The following SEL1L2 variants were observed in gnomAD, a reference collection of about 807,000 sequenced individuals.
The protein encoded by SEL1L2 is protein sel-1 homolog 2.
In SEL1L2, 89 loss-of-function variants were observed where a neutral mutation model predicts 98.8. That is an observed-to-expected ratio of 0.90 (90% CI 0.76 to 1.07). SEL1L2 has a LOEUF of 1.07. Ranked by LOEUF, SEL1L2 falls within the 50% of genes least tolerant of loss-of-function variation. The pLI is 0.00. For missense variants in SEL1L2, 788 were observed against 812.0 expected (o/e 0.97, Z 0.36); for synonymous variants, 262 against 278.5 (o/e 0.94, Z 0.59).
intron 3 of SEL1L2, among the ~76,000 whole-genome samples, chr20:13,928,834 T>A (rs961830201): frequency 6.6e-6 from 1 of 152,204 alleles, no homozygotes; most frequent in Non-Finnish European, 1.5e-5. Flanking sequence ...CACATAAATG[T>A]AAAATGTTAC....
rs143941211 is a variant in SEL1L2 at position 13,959,530 on chromosome 20, G to A, written c.59-3399C>T. On this transcript the variant is annotated intron_variant, in intron 1 of 19. Coordinates refer to ENST00000284951, the MANE Select transcript of SEL1L2 (RefSeq NM_025229.2). ...TCTCCAGGACAAGGCCTGACCGCTC[G>A]TCGTACAACCAAAGCTTCAAAAGTC... 5.3e-5 allele frequency among the ~76,000 whole-genome samples: 8 copies of A among 152,298 alleles called. No homozygotes were observed. In the East Asian group the frequency reaches 1.2e-3, roughly 22 times the overall value.
intron 2 of SEL1L2, among the ~76,000 whole-genome samples, chr20:13,947,813 T>C (rs1360806983): frequency 6.6e-6 from 1 of 152,242 alleles, no homozygotes; most frequent in African/African-American, 2.4e-5. Flanking sequence ...TTGCAGTGCA[T>C]CTGATCCAGC....
chr20:13,939,626 A>G (rs937016505), intron 2 of SEL1L2, among the ~76,000 whole-genome samples: 2 of 151,518 alleles, frequency 1.3e-5, no homozygotes, highest in Admixed American at 6.6e-5. Context: ...TTTGAGCGGC[A>G]ACAGGTCTAA....
At chr20:13,947,887 C>T (rs753558819) in intron 2 of SEL1L2, among the ~76,000 whole-genome samples, 52 of 152,380 alleles carry the variant, frequency 3.4e-4, no homozygotes, top group Non-Finnish European at 5.0e-4. Context: ...GCCACAGCAG[C>T]TGGTGTGCCT....
chr20:13,969,369 T>G (rs1389266385), intron 1 of SEL1L2, among the ~76,000 whole-genome samples: 6 of 152,210 alleles, frequency 3.9e-5, no homozygotes, highest in Admixed American at 3.9e-4. Context: ...ACTCACTCCA[T>G]GCCAACATCC....
At chr20:13,909,268 C>G (rs2048114264) in intron 5 of SEL1L2, among the ~76,000 whole-genome samples, 1 of 152,252 alleles carries the variant, frequency 6.6e-6, no homozygotes, top group Non-Finnish European at 1.5e-5. Flanking sequence ...ACTGGGCCAG[C>G]CTCATTAGAG....
intron 2 of SEL1L2, among the ~76,000 whole-genome samples, chr20:13,945,338 A>G (rs987486705): frequency 2.0e-5 from 3 of 152,098 alleles, no homozygotes; most frequent in African/African-American, 7.2e-5. Flanking sequence ...CATAACTATT[A>G]ATGAAAACAA....
intron 2 of SEL1L2, among the ~76,000 whole-genome samples, chr20:13,945,820 T>C (rs1365057024): frequency 6.6e-6 from 1 of 151,712 alleles, no homozygotes; most frequent in Non-Finnish European, 1.5e-5. Flanking sequence ...ATTAACAAAA[T>C]GAAAGAGGAG....
At position 13,890,394 on chromosome 20, in the gene SEL1L2, G is replaced by GA. The variant is rs796691959; in HGVS notation, c.550-1883dup. ...AGAAAGAGATTATAAACTCCTGGAA[G>GA]AAAAAAAAAAACTGGCAAACCACTC... On this transcript the variant is annotated intron_variant, in intron 5 of 19. Coordinates refer to ENST00000284951, the MANE Select transcript of SEL1L2 (RefSeq NM_025229.2). 3.7e-3 allele frequency among the ~76,000 whole-genome samples: 539 copies of GA among 144,440 alleles called. 1 individual carries two copies. Among genetic ancestry groups the GA allele is most frequent in the African/African-American group, 6.8e-3 (270 of 39,662 alleles). The allele number at this position is 144,440 out of a possible 152,430, so 94.8% of individuals were successfully genotyped here. A position where few individuals can be genotyped will look rare whatever the true frequency, so the allele number is the denominator to read the frequency against.
At chr20:13,995,209 C>CGG (rs1169587259), upstream of SEL1L2, 2 of 172,850 alleles carry the variant, frequency 1.2e-5, no homozygotes, top group Non-Finnish European at 2.4e-5. The surrounding 1 kb of genome is among the most constrained non-coding windows in gnomAD (Gnocchi z 4.3). Flanking sequence ...GCGGTAAGCG[C>CGG]GGTCCACCTC....
At chr20:13,895,843 T>C (rs2047399223) in intron 5 of SEL1L2, among the ~76,000 whole-genome samples, 1 of 152,218 alleles carries the variant, frequency 6.6e-6, no homozygotes, top group Non-Finnish European at 1.5e-5. Context: ...ACACGTAGAA[T>C]TCCTAAAGAT....
At chr20:13,977,577 T>C (rs919774040) in intron 1 of SEL1L2, among the ~76,000 whole-genome samples, 2 of 152,172 alleles carry the variant, frequency 1.3e-5, no homozygotes, top group Admixed American at 1.3e-4. Context: ...GAGAGACTTA[T>C]GAACCCTTAT....
intron 2 of SEL1L2, among the ~76,000 whole-genome samples, chr20:13,943,624 T>C (rs1452318182): frequency 6.6e-6 from 1 of 152,158 alleles, no homozygotes; most frequent in Admixed American, 6.6e-5. Flanking sequence ...CTTATTAAAT[T>C]GTAGTGACTA....
At chr20:13,863,397 C>T (rs1045612272) in intron 17 of SEL1L2, among the ~76,000 whole-genome samples, 1 of 152,196 alleles carries the variant, frequency 6.6e-6, no homozygotes, top group Non-Finnish European at 1.5e-5. Context: ...GCCAGACAGG[C>T]TCCTGTGGGG....
rs757141843 is a variant in SEL1L2 at position 13,913,794 on chromosome 20, A to T, written c.537T>A (p.Cys179Ter). The stretch of plus-strand genomic sequence containing the variant: ...CTTCAAAACTCACGTTTTGGGCTTT[A>T]CATGATCCTTCTTTAGCCAAGGACT... The part of the protein sequence containing the change: ...LYESLAKEGS[C>*]KAQNALGFLS... The change falls in exon 5 of 20, where the codon TGT becomes TGA. Residue 179 changes from cysteine to a stop codon, truncating the protein, a stop_gained. Coordinates refer to ENST00000284951, the MANE Select transcript of SEL1L2 (RefSeq NM_025229.2). LOFTEE classifies it high-confidence loss of function. 6.6e-7 allele frequency: 1 copy of T among 1,525,404 alleles called. No homozygotes were observed. Among genetic ancestry groups the T allele is most frequent in the South Asian group, 1.3e-5 (1 of 74,662 alleles). The allele number at this position is 1,525,404 out of a possible 1,614,324, so 94.5% of individuals were successfully genotyped here. A position where few individuals can be genotyped will look rare whatever the true frequency, so the allele number is the denominator to read the frequency against.
intron 18 of SEL1L2, among the ~76,000 whole-genome samples, chr20:13,853,609 T>A (rs939875346): frequency 1.3e-5 from 2 of 152,232 alleles, no homozygotes; most frequent in African/African-American, 4.8e-5. Context: ...TGTCATTTAA[T>A]CTTCAGGACA....
chr20:13,872,418 T>C (rs2046244188), intron 12 of SEL1L2, among the ~76,000 whole-genome samples: 1 of 152,222 alleles, frequency 6.6e-6, no homozygotes, highest in Non-Finnish European at 1.5e-5. Context: ...TTCCCTCTTT[T>C]GCTCGGCACT....
At chr20:13,979,035 G>A (rs2051683359) in intron 1 of SEL1L2, among the ~76,000 whole-genome samples, 1 of 152,042 alleles carries the variant, frequency 6.6e-6, no homozygotes, top group Non-Finnish European at 1.5e-5. Context: ...ACTCTAGACT[G>A]GGCAACAGAG....
intron 17 of SEL1L2, among the ~76,000 whole-genome samples, chr20:13,860,136 C>T (rs568617694): frequency 6.6e-6 from 1 of 152,342 alleles, no homozygotes; most frequent in South Asian, 2.1e-4. Context: ...CCTGCGTCAA[C>T]AGTGTCGCCC....
Sources: allele counts gnomAD v4.1 joint callset (sites outside exome capture counted in the v4.1 genomes callset), GRCh38; gene constraint gnomAD v4.1.1; non-coding constraint Gnocchi (gnomAD v3.1); transcripts MANE v1.5; gene names NCBI Gene and HGNC (gene_info 2026-07-23, HGNC 2026-07-21).